The following TANC2 variants were observed in gnomAD, a reference collection of about 807,000 sequenced individuals.
TANC2 encodes tetratricopeptide repeat, ankyrin repeat and coiled-coil containing 2, also known as protein TANC2.
Under a neutral mutation model 210.5 loss-of-function variants are expected in TANC2, and 26 were observed. The ratio of observed to expected loss-of-function variants is 0.12; its 90% CI spans 0.09 to 0.17. The LOEUF is 0.17. TANC2 is among the 10% of genes least tolerant of loss of function. The pLI, the probability that TANC2 is intolerant of heterozygous loss-of-function variation, is 1.00. For missense variants in TANC2, 2,129 were observed against 2,608.9 expected (o/e 0.82, Z 4.01); for synonymous variants, 931 against 967.1 (o/e 0.96, Z 0.69).
intron 7 of TANC2, among the ~76,000 whole-genome samples, chr17:63,225,636 G>T (rs915850249): frequency 2.0e-5 from 3 of 152,018 alleles, no homozygotes; most frequent in African/African-American, 7.2e-5. Flanking sequence ...CTAGCCATTT[G>T]CCCCAGCCAG....
At chr17:63,102,134 C>T (rs2037645762) in intron 4 of TANC2, among the ~76,000 whole-genome samples, 1 of 152,038 alleles carries the variant, frequency 6.6e-6, no homozygotes, top group Admixed American at 6.6e-5. Flanking sequence ...GACCTTGTCT[C>T]TACAACAAAT....
At chr17:63,399,438 C>T (rs756761167) in intron 19 of TANC2, among the ~76,000 whole-genome samples, 5 of 152,192 alleles carry the variant, frequency 3.3e-5, no homozygotes, top group Non-Finnish European at 5.9e-5. Context: ...AATGAATGCC[C>T]AGCCTCATGC....
chr17:63,064,317 C>G (rs2036115430), intron 2 of TANC2, among the ~76,000 whole-genome samples: 1 of 151,994 alleles, frequency 6.6e-6, no homozygotes, highest in Non-Finnish European at 1.5e-5. Context: ...AAAAGTTAGC[C>G]AGCTGTCTTG....
At chr17:63,219,252 C>A (rs1179038455) in intron 7 of TANC2, among the ~76,000 whole-genome samples, 1 of 151,702 alleles carries the variant, frequency 6.6e-6, no homozygotes, top group East Asian at 1.9e-4. Context: ...GTGTTTGTCT[C>A]CTGAAAGCTA....
At chr17:62,972,498 T>A (rs1388085526) in intron 1 of TANC2, among the ~76,000 whole-genome samples, 2 of 152,194 alleles carry the variant, frequency 1.3e-5, no homozygotes, top group Non-Finnish European at 2.9e-5. Context: ...ATAGAAATGA[T>A]CTTGTTGGTG....
chr17:63,003,914 G>A (rs532394161), intron 1 of TANC2, among the ~76,000 whole-genome samples: 1 of 151,684 alleles, frequency 6.6e-6, no homozygotes, highest in African/African-American at 2.4e-5. Context: ...TTTTCAAACT[G>A]TACTCTGCTT....
At chr17:63,036,215 A>T (rs1177144402) in intron 2 of TANC2, among the ~76,000 whole-genome samples, 1 of 144,700 alleles carries the variant, frequency 6.9e-6, no homozygotes, top group African/African-American at 2.5e-5. Flanking sequence ...TTGGCTAATC[A>T]CAAGTCATAA....
intron 10 of TANC2, among the ~76,000 whole-genome samples, chr17:63,317,413 C>A (rs1050478063): frequency 1.3e-5 from 2 of 151,808 alleles, no homozygotes; most frequent in African/African-American, 4.8e-5. Flanking sequence ...ACCTGACACC[C>A]CCATCAGTCT....
chr17:63,122,256 C>G (rs962793521), intron 4 of TANC2, among the ~76,000 whole-genome samples: 2 of 152,134 alleles, frequency 1.3e-5, no homozygotes, highest in Non-Finnish European at 2.9e-5. Context: ...TCTAGCATCT[C>G]TAAAACTTGA....
intron 2 of TANC2, among the ~76,000 whole-genome samples, chr17:63,064,759 T>C (rs1415238494): frequency 6.6e-6 from 1 of 152,154 alleles, no homozygotes; most frequent in Non-Finnish European, 1.5e-5. Flanking sequence ...TAAGTTATAA[T>C]TTAAAAATAA....
chr17:63,045,085 T>C lies in TANC2; in HGVS notation c.68-28858T>C, dbSNP rs146360401. ...AAAAAATTAAAGGAGAATAAAATGT[T>C]GCAACCTATCAACATTACAAAAAAT... On this transcript the variant is annotated intron_variant, in intron 2 of 27. Transcript: ENST00000689528. 1.9e-3 allele frequency among the ~76,000 whole-genome samples: 295 copies of C among 152,318 alleles called. 3 individuals are homozygous for C. Among genetic ancestry groups the C allele is most frequent in the South Asian group, 8.1e-3 (39 of 4,832 alleles).
chr17:63,001,381 C>A (rs761962956), intron 1 of TANC2, among the ~76,000 whole-genome samples: 28 of 152,072 alleles, frequency 1.8e-4, no homozygotes, highest in Non-Finnish European at 2.9e-4. Flanking sequence ...TATTATGCCC[C>A]TTCTTTACTA....
At chr17:63,079,190 A>G (rs1213102930) in intron 3 of TANC2, among the ~76,000 whole-genome samples, 2 of 152,186 alleles carry the variant, frequency 1.3e-5, no homozygotes, top group African/African-American at 4.8e-5. Flanking sequence ...GATTTCCCCC[A>G]TTCACGCAGT....
chr17:63,350,086 A>G (rs1439984889), intron 12 of TANC2, among the ~76,000 whole-genome samples: 1 of 152,232 alleles, frequency 6.6e-6, no homozygotes, highest in Non-Finnish European at 1.5e-5. Flanking sequence ...GAGAAAAACA[A>G]TAAGGGCTTA....
intron 2 of TANC2, among the ~76,000 whole-genome samples, chr17:63,055,665 T>G (rs1164138964): frequency 2.0e-5 from 3 of 146,702 alleles, no homozygotes; most frequent in African/African-American, 7.6e-5. Context: ...TTTTTTTTTT[T>G]GACAACTGAA....
chr17:63,325,862 A>G (rs1179538151), intron 11 of TANC2, among the ~76,000 whole-genome samples: 1 of 152,240 alleles, frequency 6.6e-6, no homozygotes, highest in Non-Finnish European at 1.5e-5. Context: ...ACAAAGTTTC[A>G]TAAACTGTAG....
intron 8 of TANC2, among the ~76,000 whole-genome samples, chr17:63,254,538 T>C (rs1458318347): frequency 1.3e-5 from 2 of 152,242 alleles, no homozygotes; most frequent in Non-Finnish European, 2.9e-5. Flanking sequence ...AAAGTGGGCA[T>C]CCTTGTCTTG....
At chr17:62,985,642 C>G (rs1214585432) in intron 1 of TANC2, among the ~76,000 whole-genome samples, 1 of 152,034 alleles carries the variant, frequency 6.6e-6, no homozygotes, top group Admixed American at 6.6e-5. Flanking sequence ...TTGGTCTAAT[C>G]TATTGTTGAA....
intron 2 of TANC2, among the ~76,000 whole-genome samples, chr17:63,042,772 T>C (rs1296322398): frequency 6.6e-6 from 1 of 152,082 alleles, no homozygotes; most frequent in Non-Finnish European, 1.5e-5. Context: ...ACAGTGTGGT[T>C]AAGGGTAGAA....
Sources: allele counts gnomAD v4.1 joint callset (sites outside exome capture counted in the v4.1 genomes callset), GRCh38; gene constraint gnomAD v4.1.1; transcripts MANE v1.5; gene names NCBI Gene and HGNC (gene_info 2026-07-23, HGNC 2026-07-21).